Variants in CUEDC1 observed in about 807,000 individuals in gnomAD.
CUEDC1 encodes the protein CUE domain containing 1, also known as CUE domain-containing protein 1.
Under a neutral mutation model 43.7 loss-of-function variants are expected in CUEDC1, and 30 were observed. That is an observed-to-expected ratio of 0.69 (90% CI 0.51 to 0.93). The LOEUF is 0.93. CUEDC1 is among the 40% of genes least tolerant of loss of function. The pLI, the probability that CUEDC1 is intolerant of heterozygous loss-of-function variation, is 0.00. For missense variants in CUEDC1, 486 were observed against 549.0 expected (o/e 0.89, Z 1.15); for synonymous variants, 223 against 223.6 (o/e 1.00, Z 0.02).
chr17:57,914,982 G>A (rs1455691031), intron 1 of CUEDC1: 2 of 152,202 alleles, frequency 1.3e-5, no homozygotes, highest in Non-Finnish European at 2.9e-5. Context: ...CCAACCCAAT[G>A]AGGCAGCTAC....
At chr17:57,916,691 C>T (rs1037630569) in intron 1 of CUEDC1, among the ~76,000 whole-genome samples, 2 of 152,172 alleles carry the variant, frequency 1.3e-5, no homozygotes, top group African/African-American at 2.4e-5. Flanking sequence ...CCAGCAGCCT[C>T]GCCCACCCCC....
intron 1 of CUEDC1, chr17:57,892,624 CA>C (rs2074367131): frequency 6.6e-6 from 1 of 152,364 alleles, no homozygotes; most frequent in African/African-American, 2.4e-5. Flanking sequence ...TAAGATCTGG[CA>C]CAGCCCAGTG....
chr17:57,879,592 A>C lies in CUEDC1; in HGVS notation c.464+19T>G, dbSNP rs781448994. On this transcript the variant is annotated intron_variant, in intron 3 of 10. Coordinates refer to ENST00000577830, the MANE Select transcript of CUEDC1 (RefSeq NM_001271875.2). The stretch of plus-strand genomic sequence containing the variant: ...CTCTTCCCTGCCACCCTGTGCTCTG[A>C]GACATGACAGATTCTCACCGGGGAG... The C allele has an allele frequency of 2.5e-5, 40 of 1,579,830 alleles. No homozygotes were observed. The highest frequency in any genetic ancestry group is 9.9e-5 in the Admixed American group (5 of 50,672).
chr17:57,872,556 A>G, intron 5 of CUEDC1, 107 bp downstream of exon 5: 1 of 1,257,264 alleles, frequency 8.0e-7, no homozygotes, highest in Non-Finnish European at 1.1e-6. Context: ...GACAGAAAGC[A>G]CCTGGCCCCC....
intron 3 of CUEDC1, among the ~76,000 whole-genome samples, chr17:57,879,164 G>A (rs2063217471): frequency 6.6e-6 from 1 of 152,234 alleles, no homozygotes; most frequent in Admixed American, 6.5e-5. Flanking sequence ...ATGACTGGCT[G>A]GGAATGCTGT....
chr17:57,941,892 A>T (rs1598025102), intron 1 of CUEDC1, among the ~76,000 whole-genome samples: 1 of 152,360 alleles, frequency 6.6e-6, no homozygotes, highest in East Asian at 1.9e-4. Flanking sequence ...GTGAATGGGG[A>T]CAGAGGGACA....
At position 57,870,679 on chromosome 17, in the gene CUEDC1, CTTT is replaced by C. The variant is rs35465474; in HGVS notation, c.868+604_868+606del. 3.4e-4 allele frequency among the ~76,000 whole-genome samples: 49 copies of C among 145,052 alleles called. 1 individual carries two copies. Among genetic ancestry groups the C allele is most frequent in the Admixed American group, 4.1e-4 (6 of 14,558 alleles). On this transcript the variant is annotated intron_variant, in intron 6 of 10. Transcript: ENST00000577830. ...CGGGGCATTTTGGGGTCCTTTTCTT[CTTT>C]TTTTTTTTTTTGGAGACAGGGTCTC...
Position 57,930,017 on chromosome 17 carries a change from G to A in CUEDC1, c.-316+25208C>T, listed in dbSNP as rs766192416. 2.0e-5 allele frequency among the ~76,000 whole-genome samples: 3 copies of A among 152,150 alleles called. No homozygotes were observed. The highest frequency in any genetic ancestry group is 4.8e-5 in the African/African-American group (2 of 41,436). On this transcript the variant is annotated intron_variant, in intron 1 of 10. Coordinates refer to ENST00000577830, the MANE Select transcript of CUEDC1 (RefSeq NM_001271875.2). The surrounding 1 kb of genome is among the most constrained non-coding windows in gnomAD (Gnocchi z 4.2). ...AGGGTTTCACCATGTTTGTCGGGCT[G>A]GTATCGAACTCCTGCCCTCAGGTGA...
chr17:57,891,075 C>A (rs188201857), intron 1 of CUEDC1, among the ~76,000 whole-genome samples: 249 of 152,304 alleles, frequency 1.6e-3, no homozygotes, highest in Non-Finnish European at 1.0e-3. Context: ...GCAATCTCAT[C>A]CAGCCCCATG....
At chr17:57,937,609 C>CA (rs202052148) in intron 1 of CUEDC1, among the ~76,000 whole-genome samples, 29,581 of 122,804 alleles carry the variant, frequency 0.24, 3,369 homozygotes, top group Admixed American at 0.29. Flanking sequence ...GACCCTGTCT[C>CA]AAAAAAAAAA....
chr17:57,864,210 G>C (rs1295079236), intron 10 of CUEDC1, among the ~76,000 whole-genome samples: 1 of 152,012 alleles, frequency 6.6e-6, no homozygotes, highest in Non-Finnish European at 1.5e-5. Context: ...GGGCAGTCAG[G>C]AGGAGAGACT....
intron 3 of CUEDC1, among the ~76,000 whole-genome samples, chr17:57,879,088 A>C (rs1433686049): frequency 6.6e-6 from 1 of 152,218 alleles, no homozygotes. Context: ...ACTTGCTCTC[A>C]TTGCTTAAAA....
intron 1 of CUEDC1, among the ~76,000 whole-genome samples, chr17:57,900,338 T>C (rs917010752): frequency 3.3e-5 from 5 of 152,192 alleles, no homozygotes; most frequent in African/African-American, 9.7e-5. Flanking sequence ...GGCACCACTG[T>C]TCTAGGCACA....
chr17:57,882,968 A>T (rs1172266296), intron 2 of CUEDC1, among the ~76,000 whole-genome samples: 2 of 152,118 alleles, frequency 1.3e-5, no homozygotes, highest in Non-Finnish European at 1.5e-5. Context: ...TGGATTTTTG[A>T]CTGCAAGGGG....
rs561101809 is a variant in CUEDC1 at position 57,947,900 on chromosome 17, C to T, written c.-316+7325G>A. Among the ~76,000 whole-genome samples, 7 of 152,204 alleles carry T rather than the reference C, an allele frequency of 4.6e-5. No homozygotes were observed. The East Asian group carries it at 1.3e-3, about 29-fold the overall frequency. On this transcript the variant is annotated intron_variant, in intron 1 of 10. Transcript: ENST00000577830. ...CATTATGACTGAACATAATGTCAGG[C>T]CTTGATGATCCTTCAAAGAAGTATA...
rs2074052282 is a variant in CUEDC1 at position 57,872,747 on chromosome 17, C to T, written c.700G>A (p.Glu234Lys). The change falls in exon 5 of 11, where the codon GAG becomes AAG. Residue 234 changes from glutamate to lysine, a missense_variant. Physicochemically the swap from Glu to Lys is moderately conservative, Grantham distance 56. Transcript: ENST00000577830. ...ESRWKQYLEDERIALFLQNEE... is the reference protein window; with the variant it reads ...ESRWKQYLEDKRIALFLQNEE... ...TTCTGCAGGAAAAGCGCGATCCTCT[C>T]GTCCTCCAGGTACTGCTTCCAGCGG... 5 of 1,614,128 alleles carry T rather than the reference C, an allele frequency of 3.1e-6. No homozygotes were observed. The South Asian group carries it at 4.4e-5, about 14-fold the overall frequency.
chr17:57,933,776 T>C (rs1176856439), intron 1 of CUEDC1, among the ~76,000 whole-genome samples: 1 of 152,112 alleles, frequency 6.6e-6, no homozygotes, highest in Non-Finnish European at 1.5e-5. Context: ...AGGCCGACAG[T>C]GACTCGAGAA....
chr17:57,864,860 C>T (rs1434984205), intron 10 of CUEDC1, among the ~76,000 whole-genome samples: 1 of 152,148 alleles, frequency 6.6e-6, no homozygotes, highest in Non-Finnish European at 1.5e-5. Flanking sequence ...TCGAAACCAG[C>T]CTGGCCACAT....
At chr17:57,876,762 G>T (rs2074131713) in intron 3 of CUEDC1, among the ~76,000 whole-genome samples, 1 of 152,218 alleles carries the variant, frequency 6.6e-6, no homozygotes, top group Non-Finnish European at 1.5e-5. Context: ...GCCTCTGGGG[G>T]AAGCCTCGCC....
Sources: gnomAD v4.1 joint callset for allele counts (sites outside exome capture counted in the v4.1 genomes callset) on GRCh38, gnomAD v4.1.1 for gene constraint, Gnocchi (gnomAD v3.1) non-coding constraint, MANE v1.5 for transcripts, NCBI Gene and HGNC (gene_info 2026-07-23, HGNC 2026-07-21) for gene names.